LRP5: variants seen among roughly 807,000 people sequenced by gnomAD.
LRP5 encodes LDL receptor related protein 5.
Under a neutral mutation model 154.1 loss-of-function variants are expected in LRP5, and 62 were observed. That is an observed-to-expected ratio of 0.40 (90% CI 0.33 to 0.50). LRP5 has a LOEUF of 0.50. Among genes scored for constraint, LRP5 ranks in the 20% least tolerant of loss-of-function variants. LRP5 has a pLI of 0.55. For synonymous variants in LRP5, 966 were observed against 1,011.5 expected, an observed-to-expected ratio of 0.96 and a Z score of 0.85; for missense variants, 1,915 against 2,336.7, an observed-to-expected ratio of 0.82 and a Z score of 3.72.
chr11:68,342,873 G>A (rs1279337800), intron 1 of LRP5, among the ~76,000 whole-genome samples: 1 of 152,246 alleles, frequency 6.6e-6, no homozygotes, highest in Non-Finnish European at 1.5e-5. Flanking sequence ...GGAGAAGCAG[G>A]GCAGAGCTGG....
chr11:68,320,437 T>C (rs1008232655), intron 1 of LRP5, among the ~76,000 whole-genome samples: 7 of 152,002 alleles, frequency 4.6e-5, no homozygotes, highest in African/African-American at 1.4e-4. Flanking sequence ...TGTCTTTTTC[T>C]TTTCTTTTTT....
chr11:68,319,701 C>G (rs2098595641), intron 1 of LRP5, among the ~76,000 whole-genome samples: 1 of 152,130 alleles, frequency 6.6e-6, no homozygotes, highest in African/African-American at 2.4e-5. Context: ...AAGCCAAGTG[C>G]CATTTCATAG....
At chr11:68,334,791 G>A (rs940519475) in intron 1 of LRP5, among the ~76,000 whole-genome samples, 2 of 152,006 alleles carry the variant, frequency 1.3e-5, no homozygotes, top group African/African-American at 2.4e-5. Context: ...ACTTGAACCT[G>A]GGAGGCGGAG....
At chr11:68,341,853 G>A (rs2098609335) in intron 1 of LRP5, among the ~76,000 whole-genome samples, 1 of 151,906 alleles carries the variant, frequency 6.6e-6, no homozygotes, top group Non-Finnish European at 1.5e-5. Context: ...CATTACTAAG[G>A]TGTCCTTATT....
intron 5 of LRP5, among the ~76,000 whole-genome samples, chr11:68,375,487 C>T (rs1218218294): frequency 6.6e-6 from 1 of 152,226 alleles, no homozygotes; most frequent in Non-Finnish European, 1.5e-5. Context: ...CACCCTTCCC[C>T]TGCCCCCTGC....
intron 17 of LRP5, among the ~76,000 whole-genome samples, chr11:68,433,217 T>C (rs2098672933): frequency 6.6e-6 from 1 of 152,146 alleles, no homozygotes; most frequent in African/African-American, 2.4e-5. Flanking sequence ...AGCAGATGTG[T>C]GTTGCCGGGA....
At position 68,395,608 on chromosome 11, in the gene LRP5, A is replaced by G. The variant is rs567610324; in HGVS notation, c.1584+5556A>G. On this transcript the variant is annotated intron_variant, in intron 7 of 22. Coordinates refer to ENST00000294304, the MANE Select transcript of LRP5 (RefSeq NM_002335.4). The stretch of plus-strand genomic sequence containing the variant: ...TGTTTCTAAGAGGGGGATACATTGC[A>G]TAAGCGTTTTCAGACTACCTCATCA... Among the ~76,000 whole-genome samples, 6 of 152,194 alleles carry G rather than the reference A, an allele frequency of 3.9e-5. No homozygotes were observed. In the South Asian group the frequency reaches 1.2e-3, roughly 32 times the overall value.
At chr11:68,375,675 A>G (rs540467461) in intron 5 of LRP5, among the ~76,000 whole-genome samples, 2 of 152,354 alleles carry the variant, frequency 1.3e-5, no homozygotes, top group South Asian at 4.1e-4. Context: ...AGAGTTCGGT[A>G]ACACCTTCAA....
Position 68,326,009 on chromosome 11 carries a change from G to A in LRP5, c.91+13204G>A, listed in dbSNP as rs150065533. On this transcript the variant is annotated intron_variant, in intron 1 of 22. Transcript: ENST00000294304. ...AGCTCAGCTGAGAGGCTGCTTGGCCGAAACCATCTCAGCTCTGCATAGTGT... is the reference window on the plus strand; with the variant it reads ...AGCTCAGCTGAGAGGCTGCTTGGCCAAAACCATCTCAGCTCTGCATAGTGT... Among the ~76,000 whole-genome samples the A allele has an allele frequency of 2.6e-5, 4 of 152,354 alleles. No homozygotes were observed. The East Asian group carries it at 5.8e-4, about 22-fold the overall frequency.
intron 3 of LRP5, among the ~76,000 whole-genome samples, chr11:68,363,313 G>A (rs2098629057): frequency 6.6e-6 from 1 of 152,170 alleles, no homozygotes; most frequent in Non-Finnish European, 1.5e-5. Flanking sequence ...AGAAATGTAC[G>A]AGGGCGCCAG....
chr11:68,310,826 TG>T (rs926968500), upstream of LRP5, among the ~76,000 whole-genome samples: 5 of 151,112 alleles, frequency 3.3e-5, no homozygotes, highest in African/African-American at 1.2e-4. Flanking sequence ...GGAGTGCACC[TG>T]GTGTGTTTGA....
At chr11:68,381,215 G>A (rs1446416431) in intron 5 of LRP5, among the ~76,000 whole-genome samples, 2 of 152,230 alleles carry the variant, frequency 1.3e-5, no homozygotes, top group Non-Finnish European at 2.9e-5. Flanking sequence ...AGCCTTCGGA[G>A]GGAGTCTGTC....
Position 68,389,952 on chromosome 11 carries a change from G to T in LRP5, c.1484G>T (p.Arg495Leu). Residue 495 changes from arginine to leucine, a missense_variant, in exon 7 of 23, where the codon CGT becomes CTT. By Grantham distance (102) the Arg-to-Leu change is moderately radical. Around this residue, in one of 3 missense-constraint regions of LRP5, gnomAD observed 773 missense variants for 1,100.9 expected, o/e 0.70. Coordinates refer to ENST00000294304, the MANE Select transcript of LRP5 (RefSeq NM_002335.4). ...GCCAACTTGGATGGGCAGGAGCGGC[G>T]TGTGCTGGTCAATGCCTCCCTCGGG... ...ECANLDGQER[R>L]VLVNASLGWP... The T allele has an allele frequency of 6.2e-7, 1 of 1,614,246 alleles. No homozygotes were observed. The highest frequency in any genetic ancestry group is 8.5e-7 in the Non-Finnish European group (1 of 1,180,040).
rs201916993 is a variant in LRP5 at position 68,410,058 on chromosome 11, C to T, written c.2236C>T (p.Arg746Trp). The change falls in exon 10 of 23, where the codon CGG becomes TGG. Residue 746 changes from arginine (R) to tryptophan (W), a missense_variant. By Grantham distance (101) the Arg-to-Trp change is moderately radical (BLOSUM62 -3). Transcript: ENST00000294304. The stretch of plus-strand genomic sequence containing the variant: ...TGGGACCAACAGAATCGAAGTGGCG[C>T]GGCTGGACGGGCAGTTCCGGCAAGT... The part of the protein sequence containing the change: ...DTGTNRIEVA[R>W]LDGQFRQVLV... 70 of 1,613,984 alleles carry T rather than the reference C, an allele frequency of 4.3e-5. No homozygotes were observed. The highest frequency in any genetic ancestry group is 1.7e-4 in the Admixed American group (10 of 60,008).
rs192508116 is a variant in LRP5, at chr11:68,399,415, G to A, written c.1585-4068G>A. ...AAAACATGTATTGGAACACAGCCAT[G>A]CCTGTTCAGTCACGTGCTCTCCATG... On this transcript the variant is annotated intron_variant, in intron 7 of 22. Transcript: ENST00000294304. Among the ~76,000 whole-genome samples, 88 of 151,964 alleles carry A rather than the reference G, an allele frequency of 5.8e-4. 1 individual carries two copies. Among genetic ancestry groups the A allele is most frequent in the Admixed American group, 5.0e-3 (77 of 15,284 alleles).
At chr11:68,387,628 G>T (rs1279794688) in intron 6 of LRP5, among the ~76,000 whole-genome samples, 2 of 152,248 alleles carry the variant, frequency 1.3e-5, no homozygotes, top group Non-Finnish European at 2.9e-5. Flanking sequence ...TTGTCGGTCG[G>T]TAGGGGAGAC....
chr11:68,346,514 C>T (rs957478571), intron 1 of LRP5, among the ~76,000 whole-genome samples: 10 of 152,232 alleles, frequency 6.6e-5, no homozygotes, highest in African/African-American at 2.4e-4. Flanking sequence ...CAAATCTTTC[C>T]CCTGCTGAAA....
Position 68,353,326 on chromosome 11 carries a change from G to T in LRP5, c.489-4324G>T, listed in dbSNP as rs890281087. On this transcript the variant is annotated intron_variant, in intron 2 of 22. Coordinates refer to ENST00000294304, the MANE Select transcript of LRP5 (RefSeq NM_002335.4). The surrounding 1 kb of genome is among the most constrained non-coding windows in gnomAD (Gnocchi z 4.5). ...GCTCCAGTCATTTGAATGAGAGAGT[G>T]AAAACAGTGAGATGCCGGCTCCCAC... 6.6e-6 allele frequency among the ~76,000 whole-genome samples: 1 copy of T among 152,128 alleles called. No homozygotes were observed. Among genetic ancestry groups the T allele is most frequent in the Non-Finnish European group, 1.5e-5 (1 of 68,018 alleles).
intron 1 of LRP5, among the ~76,000 whole-genome samples, chr11:68,334,838 C>G (rs892003749): frequency 6.6e-6 from 1 of 152,036 alleles, no homozygotes; most frequent in African/African-American, 2.4e-5. Flanking sequence ...TTTACTCCAG[C>G]CTGGGTGACA....
Sources: gnomAD v4.1 joint callset for allele counts (sites outside exome capture counted in the v4.1 genomes callset) on GRCh38, gnomAD v4.1.1 for gene constraint, gnomAD v4.1.1 regional missense constraint, Gnocchi (gnomAD v3.1) non-coding constraint, MANE v1.5 for transcripts, NCBI Gene and HGNC (gene_info 2026-07-23, HGNC 2026-07-21) for gene names.